The following NLRP2B variants were observed in gnomAD, a reference collection of about 807,000 sequenced individuals.
NLRP2B encodes NLR family pyrin domain-containing protein 2B.
For missense variants in NLRP2B, 25 were observed against 6.8 expected (o/e 3.70, Z -3.00); for synonymous variants, 16 against 3.5 (o/e 4.63, Z -4.03).
Position 57,677,096 on chromosome X carries a change from T to A in NLRP2B, c.*3027A>T. 1 of 260,986 alleles carries A rather than the reference T, an allele frequency of 3.8e-6. No homozygotes were observed. Among genetic ancestry groups the A allele is most frequent in the Non-Finnish European group, 7.2e-6 (1 of 139,078 alleles). 21.5% of individuals were successfully genotyped at this position (260,986 alleles called of 1,213,427 possible). On this transcript the variant is annotated 3_prime_UTR_variant, in exon 1 of 1. Coordinates refer to ENST00000434992, the MANE Select transcript of NLRP2B (RefSeq NM_001319967.1). ...ATGAAGTAATGAAAAGAAAGCCTTT[T>A]TTCCCCCCCAAAGGATCATGTTTCT...
In NLRP2B at chrX:57,678,624, G is replaced by T. The variant is rs2011734089; in HGVS notation, c.*1499C>A. The T allele has an allele frequency of 6.7e-6, 3 of 449,499 alleles. No homozygotes were observed. Among genetic ancestry groups the T allele is most frequent in the Admixed American group, 6.1e-5 (2 of 32,889 alleles). 37.0% of individuals were successfully genotyped at this position (449,499 alleles called of 1,213,427 possible). A position where few individuals can be genotyped will look rare whatever the true frequency, so the allele number is the denominator to read the frequency against. On this transcript the variant is annotated 3_prime_UTR_variant, in exon 1 of 1. Coordinates refer to ENST00000434992, the MANE Select transcript of NLRP2B (RefSeq NM_001319967.1). ...AGTGTCTTGCTTGGATCAGGTCGGGGTTCTTGAGTCTTTCTTCTCTAGAAA... is the reference window on the plus strand; with the variant it reads ...AGTGTCTTGCTTGGATCAGGTCGGGTTTCTTGAGTCTTTCTTCTCTAGAAA...
chrX:57,678,981 G>A lies in NLRP2B; in HGVS notation c.*1142C>T. 1 of 453,933 alleles carries A rather than the reference G, an allele frequency of 2.2e-6. No homozygotes were observed. The highest frequency in any genetic ancestry group is 3.8e-6 in the Non-Finnish European group (1 of 262,649). 37.4% of individuals were successfully genotyped at this position (453,933 alleles called of 1,213,427 possible). On this transcript the variant is annotated 3_prime_UTR_variant, in exon 1 of 1. Transcript: ENST00000434992. ...CCTGCGGGAACCGGCCGCAAAGGAA[G>A]CGCAGGAACAGCCCCGTGCGGGTGG...
In NLRP2B at chrX:57,679,603, G is replaced by A. The variant is rs752745054; in HGVS notation, c.*520C>T. ...GTCCAGCATTAATTTCTTGGCCAGC[G>A]TGGTTTTCCCAAGGCCCGCAGGACC... On this transcript the variant is annotated 3_prime_UTR_variant, in exon 1 of 1. Transcript: ENST00000434992. The A allele has an allele frequency of 6.1e-5, 31 of 507,666 alleles. No homozygotes were observed. Among genetic ancestry groups the A allele is most frequent in the Admixed American group, 2.5e-4 (9 of 36,461 alleles). 41.8% of individuals were successfully genotyped at this position (507,666 alleles called of 1,213,427 possible). A position where few individuals can be genotyped will look rare whatever the true frequency, so the allele number is the denominator to read the frequency against.
Position 57,680,192 on chromosome X carries a change from C to T in NLRP2B, c.69G>A (p.Leu23=). 3 of 393,244 alleles carry T rather than the reference C, an allele frequency of 7.6e-6. No individual in the cohort carries two copies. Among genetic ancestry groups the T allele is most frequent in the Non-Finnish European group, 1.4e-5 (3 of 220,324 alleles). The allele number at this position is 393,244 out of a possible 1,213,427, so 32.4% of individuals were successfully genotyped here. A position where few individuals can be genotyped will look rare whatever the true frequency, so the allele number is the denominator to read the frequency against. Residue 23 remains leucine, a synonymous_variant, in exon 1 of 1, where the codon TTG becomes TTA. Transcript: ENST00000434992. The stretch of plus-strand genomic sequence containing the variant: ...TCCTGATCAGAGACTTGAACTTGCA[C>T]AAGTCATCCTGGCTGAGCTGTCCCA... The part of the protein sequence containing the change: ...ALLGQLSQDD[L]CKFKSLIRTV...
chrX:57,678,143 T>A lies in NLRP2B; in HGVS notation c.*1980A>T. 1 of 481,997 alleles carries A rather than the reference T, an allele frequency of 2.1e-6. No individual in the cohort carries two copies. Among genetic ancestry groups the A allele is most frequent in the Admixed American group, 2.8e-5 (1 of 36,174 alleles). 39.7% of individuals were successfully genotyped at this position (481,997 alleles called of 1,213,427 possible). A position where few individuals can be genotyped will look rare whatever the true frequency, so the allele number is the denominator to read the frequency against. On this transcript the variant is annotated 3_prime_UTR_variant, in exon 1 of 1. Transcript: ENST00000434992. ...AATGTGGCACCAAGAAAGCTATTAT[T>A]GATTTCTAGAATGATCAGATCCTTA...
chrX:57,679,077 G>A lies in NLRP2B; in HGVS notation c.*1046C>T, dbSNP rs1248887782. On this transcript the variant is annotated 3_prime_UTR_variant, in exon 1 of 1. Transcript: ENST00000434992. ...CATGATCCAGCACACCATGGGTGCCGAGACAGGCTGGAACAGGGCCGCGTT... is the reference window on the plus strand; with the variant it reads ...CATGATCCAGCACACCATGGGTGCCAAGACAGGCTGGAACAGGGCCGCGTT... The A allele has an allele frequency of 9.2e-6, 4 of 433,166 alleles. No individual in the cohort carries two copies. Among genetic ancestry groups the A allele is most frequent in the African/African-American group, 2.5e-5 (1 of 40,686 alleles). 35.7% of individuals were successfully genotyped at this position (433,166 alleles called of 1,213,427 possible). A position where few individuals can be genotyped will look rare whatever the true frequency, so the allele number is the denominator to read the frequency against.
rs1001002450 is a variant in NLRP2B, at chrX:57,679,409, C to T, written c.*714G>A. 29 of 913,721 alleles carry T rather than the reference C, an allele frequency of 3.2e-5. No homozygotes were observed. The highest frequency in any genetic ancestry group is 3.9e-5 in the African/African-American group (2 of 51,401). 75.3% of individuals were successfully genotyped at this position (913,721 alleles called of 1,213,427 possible). A position where few individuals can be genotyped will look rare whatever the true frequency, so the allele number is the denominator to read the frequency against. On this transcript the variant is annotated 3_prime_UTR_variant, in exon 1 of 1. Transcript: ENST00000434992. Reference sequence around the variant, plus strand: ...CCCAGCTCATCAAAGCCGTCGACCACGAACAGGATTTTCTGTGCTTGGGCT... The same window carrying T: ...CCCAGCTCATCAAAGCCGTCGACCATGAACAGGATTTTCTGTGCTTGGGCT...
At position 57,679,287 on chromosome X, in the gene NLRP2B, A is replaced by G; in HGVS notation, c.*836T>C. On this transcript the variant is annotated 3_prime_UTR_variant, in exon 1 of 1. Coordinates refer to ENST00000434992, the MANE Select transcript of NLRP2B (RefSeq NM_001319967.1). ...TGACCAGCACGGCGGCCCTGGGTAA[A>G]ATCTTCCTCTTCAGTAACCTCCCCA... 1 of 487,696 alleles carries G rather than the reference A, an allele frequency of 2.1e-6. No homozygotes were observed. Among genetic ancestry groups the G allele is most frequent in the Non-Finnish European group, 3.7e-6 (1 of 272,919 alleles). 40.2% of individuals were successfully genotyped at this position (487,696 alleles called of 1,213,427 possible). A position where few individuals can be genotyped will look rare whatever the true frequency, so the allele number is the denominator to read the frequency against.
Position 57,679,002 on chromosome X carries a change from G to A in NLRP2B, c.*1121C>T. The A allele has an allele frequency of 4.5e-6, 2 of 444,205 alleles. No individual in the cohort carries two copies. Among genetic ancestry groups the A allele is most frequent in the South Asian group, 5.7e-5 (2 of 34,913 alleles). 36.6% of individuals were successfully genotyped at this position (444,205 alleles called of 1,213,427 possible). A position where few individuals can be genotyped will look rare whatever the true frequency, so the allele number is the denominator to read the frequency against. On this transcript the variant is annotated 3_prime_UTR_variant, in exon 1 of 1. Coordinates refer to ENST00000434992, the MANE Select transcript of NLRP2B (RefSeq NM_001319967.1). ...GGAAGCGCAGGAACAGCCCCGTGCG[G>A]GTGGGGCGGGTCCTTCCCCTTCTAA...
At position 57,680,055 on chromosome X, in the gene NLRP2B, T is replaced by G; in HGVS notation, c.*68A>C. 4.8e-6 allele frequency: 2 copies of G among 416,681 alleles called. No individual in the cohort carries two copies. Among genetic ancestry groups the G allele is most frequent in the Admixed American group, 7.0e-5 (2 of 28,512 alleles). The allele number at this position is 416,681 out of a possible 1,213,427, so 34.3% of individuals were successfully genotyped here. The stretch of plus-strand genomic sequence containing the variant: ...TTCAAAGACCTGGATGGTCTCTATC[T>G]TCATCCAGTAGCTGTGGCAATGGCT... On this transcript the variant is annotated 3_prime_UTR_variant, in exon 1 of 1. Coordinates refer to ENST00000434992, the MANE Select transcript of NLRP2B (RefSeq NM_001319967.1).
In NLRP2B at chrX:57,678,133, A is replaced by T. The variant is rs2011726370; in HGVS notation, c.*1990T>A. 2.1e-6 allele frequency: 1 copy of T among 476,898 alleles called. No homozygotes were observed. The highest frequency in any genetic ancestry group is 3.8e-6 in the Non-Finnish European group (1 of 263,574). 39.3% of individuals were successfully genotyped at this position (476,898 alleles called of 1,213,427 possible). ...GATCCTTACTAATGTGGCACCAAGA[A>T]AGCTATTATTGATTTCTAGAATGAT... On this transcript the variant is annotated 3_prime_UTR_variant, in exon 1 of 1. Coordinates refer to ENST00000434992, the MANE Select transcript of NLRP2B (RefSeq NM_001319967.1).
Position 57,677,141 on chromosome X carries a change from G to C in NLRP2B, c.*2982C>G. On this transcript the variant is annotated 3_prime_UTR_variant, in exon 1 of 1. Coordinates refer to ENST00000434992, the MANE Select transcript of NLRP2B (RefSeq NM_001319967.1). The stretch of plus-strand genomic sequence containing the variant: ...GTTTCTCAGTTATCAGCAGGCAGTT[G>C]TGGGTTGTTTTCTTCTATTTCTTCC... The C allele has an allele frequency of 6.2e-6, 2 of 321,508 alleles. No individual in the cohort carries two copies. The highest frequency in any genetic ancestry group is 1.2e-5 in the Non-Finnish European group (2 of 166,117). The allele number at this position is 321,508 out of a possible 1,213,427, so 26.5% of individuals were successfully genotyped here.
chrX:57,678,657 C>G lies in NLRP2B; in HGVS notation c.*1466G>C. 2.3e-6 allele frequency: 1 copy of G among 429,099 alleles called. No individual in the cohort carries two copies. Among genetic ancestry groups the G allele is most frequent in the Non-Finnish European group, 4.3e-6 (1 of 233,246 alleles). 35.4% of individuals were successfully genotyped at this position (429,099 alleles called of 1,213,427 possible). ...GTCTTTCTTCTCTAGAAAACAGCTT[C>G]TGCACGTCTCCATTGTCCCAGGCGT... On this transcript the variant is annotated 3_prime_UTR_variant, in exon 1 of 1. Transcript: ENST00000434992.
rs2011713982 is a variant in NLRP2B at position 57,677,344 on chromosome X, T to C, written c.*2779A>G. On this transcript the variant is annotated 3_prime_UTR_variant, in exon 1 of 1. Transcript: ENST00000434992. ...GCAGCTGAGCACAGAGCAGAGGTCC[T>C]CACAACTGAACAGAGGGATGGAACA... 1 of 373,813 alleles carries C rather than the reference T, an allele frequency of 2.7e-6. No homozygotes were observed. The highest frequency in any genetic ancestry group is 2.6e-5 in the Admixed American group (1 of 38,010). The allele number at this position is 373,813 out of a possible 1,213,427, so 30.8% of individuals were successfully genotyped here.
In NLRP2B at chrX:57,677,666, C is replaced by A. The variant is rs1415567557; in HGVS notation, c.*2457G>T. On this transcript the variant is annotated 3_prime_UTR_variant, in exon 1 of 1. Coordinates refer to ENST00000434992, the MANE Select transcript of NLRP2B (RefSeq NM_001319967.1). ...CACAGGTGTGTCAGCTCCCCGCTGA[C>A]AACCAAAACAGCAGCAAAGTTCTTG... The A allele has an allele frequency of 6.0e-6, 2 of 335,011 alleles. No homozygotes were observed. The highest frequency in any genetic ancestry group is 2.6e-5 in the African/African-American group (1 of 37,930). The allele number at this position is 335,011 out of a possible 1,213,427, so 27.6% of individuals were successfully genotyped here. A position where few individuals can be genotyped will look rare whatever the true frequency, so the allele number is the denominator to read the frequency against.
rs755738090 is a variant in NLRP2B at position 57,678,953 on chromosome X, C to A, written c.*1170G>T. ...GCCCGCAGCACGCCCCAGAGCTGTGCGCCCTGCGGGAACCGGCCGCAAAGG... is the reference window on the plus strand; with the variant it reads ...GCCCGCAGCACGCCCCAGAGCTGTGAGCCCTGCGGGAACCGGCCGCAAAGG... On this transcript the variant is annotated 3_prime_UTR_variant, in exon 1 of 1. Coordinates refer to ENST00000434992, the MANE Select transcript of NLRP2B (RefSeq NM_001319967.1). 8.6e-6 allele frequency: 4 copies of A among 466,665 alleles called. No homozygotes were observed. Among genetic ancestry groups the A allele is most frequent in the Non-Finnish European group, 1.4e-5 (4 of 277,593 alleles). The allele number at this position is 466,665 out of a possible 1,213,427, so 38.5% of individuals were successfully genotyped here.
chrX:57,678,450 C>T lies in NLRP2B; in HGVS notation c.*1673G>A, dbSNP rs1460565885. On this transcript the variant is annotated 3_prime_UTR_variant, in exon 1 of 1. Transcript: ENST00000434992. ...GAGACTCGTACAGACAGCACAAGAG[C>T]TCCTTCGGGTTCATCATTGTTGAGT... 2 of 518,427 alleles carry T rather than the reference C, an allele frequency of 3.9e-6. No homozygotes were observed. Among genetic ancestry groups the T allele is most frequent in the African/African-American group, 4.6e-5 (2 of 43,548 alleles). 42.7% of individuals were successfully genotyped at this position (518,427 alleles called of 1,213,427 possible). A position where few individuals can be genotyped will look rare whatever the true frequency, so the allele number is the denominator to read the frequency against.
Position 57,679,510 on chromosome X carries a change from C to A in NLRP2B, c.*613G>T, listed in dbSNP as rs1293260663. 5.4e-5 allele frequency: 40 copies of A among 744,541 alleles called. No homozygotes were observed. The highest frequency in any genetic ancestry group is 7.5e-5 in the Non-Finnish European group (36 of 479,169). The allele number at this position is 744,541 out of a possible 1,213,427, so 61.4% of individuals were successfully genotyped here. A position where few individuals can be genotyped will look rare whatever the true frequency, so the allele number is the denominator to read the frequency against. ...CTCTGCAAAACTGCACGGGCCCAGG[C>A]AGATGAGCTCCTTGCAGGTGAGGTA... On this transcript the variant is annotated 3_prime_UTR_variant, in exon 1 of 1. Coordinates refer to ENST00000434992, the MANE Select transcript of NLRP2B (RefSeq NM_001319967.1).
At position 57,679,824 on chromosome X, in the gene NLRP2B, T is replaced by C; in HGVS notation, c.*299A>G. 3.5e-6 allele frequency: 1 copy of C among 288,801 alleles called. No individual in the cohort carries two copies. Among genetic ancestry groups the C allele is most frequent in the African/African-American group, 2.7e-5 (1 of 36,692 alleles). 23.8% of individuals were successfully genotyped at this position (288,801 alleles called of 1,213,427 possible). On this transcript the variant is annotated 3_prime_UTR_variant, in exon 1 of 1. Coordinates refer to ENST00000434992, the MANE Select transcript of NLRP2B (RefSeq NM_001319967.1). ...TACCTGGCTTTTCTCCTTTCAAGAC[T>C]TCTTTAGCTTCTCTTAGGCTGGTGA...
Sources: gnomAD v4.1 joint callset for allele counts on GRCh38, gnomAD v4.1.1 for gene constraint, MANE v1.5 for transcripts, NCBI Gene and HGNC (gene_info 2026-07-23, HGNC 2026-07-21) for gene names.